The following PLCXD2 variants were observed in gnomAD, a reference collection of about 807,000 sequenced individuals.
PLCXD2 encodes PI-PLC X domain-containing protein 2.
PLCXD2 carries 21 observed loss-of-function variants against 28.6 expected under a neutral mutation model. The ratio of observed to expected loss-of-function variants is 0.73; its 90% confidence interval spans 0.52 to 1.06. The LOEUF is 1.06. Among genes scored for constraint, PLCXD2 ranks in the 50% least tolerant of loss-of-function variants. The probability of loss-of-function intolerance (pLI) is 0.00; values close to 1 mark genes in which losing one functional copy is unlikely to be tolerated. For synonymous variants in PLCXD2, 140 were observed against 150.1 expected (o/e 0.93, Z 0.49); for missense variants, 369 against 376.7 (o/e 0.98, Z 0.17).
chr3:111,703,622 T>G (rs1373387263), intron 1 of PLCXD2, among the ~76,000 whole-genome samples: 1 of 152,250 alleles, frequency 6.6e-6, no homozygotes, highest in Non-Finnish European at 1.5e-5. Flanking sequence ...CCTGAACAGC[T>G]GGGCTGTTAA....
intron 2 of PLCXD2, among the ~76,000 whole-genome samples, chr3:111,713,478 CA>C (rs972112992): frequency 7.2e-5 from 11 of 152,270 alleles, no homozygotes; most frequent in Admixed American, 2.0e-4. Context: ...ATTAGACTTA[CA>C]ACAAAATATT....
At chr3:111,703,676 T>C (rs934379007) in intron 1 of PLCXD2, among the ~76,000 whole-genome samples, 1 of 152,198 alleles carries the variant, frequency 6.6e-6, no homozygotes, top group Non-Finnish European at 1.5e-5. Context: ...ACCATCTATA[T>C]CTAATGTATT....
At chr3:111,694,826 T>G (rs1314288771) in intron 1 of PLCXD2, among the ~76,000 whole-genome samples, 3 of 152,188 alleles carry the variant, frequency 2.0e-5, no homozygotes, top group Non-Finnish European at 4.4e-5. Flanking sequence ...TGTCAAAGTC[T>G]GAGAGTGGAC....
rs145453900 is a variant in PLCXD2, at chr3:111,712,432, CT to C, written c.625-1454del. 6.6e-3 allele frequency among the ~76,000 whole-genome samples: 1,000 copies of C among 152,276 alleles called. 8 individuals are homozygous for C. Among genetic ancestry groups the C allele is most frequent in the African/African-American group, 0.023 (958 of 41,546 alleles). On this transcript the variant is annotated intron_variant, in intron 2 of 4. Coordinates refer to ENST00000477665, the MANE Select transcript of PLCXD2 (RefSeq NM_001185106.1). Reference sequence around the variant, plus strand: ...AGGCTTACCACCTGGCCAATTACACCTCTACAAGGAAATCCTCCCCTTCCCC... The same window carrying C: ...AGGCTTACCACCTGGCCAATTACACCCTACAAGGAAATCCTCCCCTTCCCC...
chr3:111,698,752 G>A (rs1940997729), intron 1 of PLCXD2, among the ~76,000 whole-genome samples: 1 of 152,148 alleles, frequency 6.6e-6, no homozygotes, highest in South Asian at 2.1e-4. Context: ...AGTGTCAGAG[G>A]TTCAGCCCAG....
intron 2 of PLCXD2, among the ~76,000 whole-genome samples, chr3:111,711,399 C>T (rs974150657): frequency 4.6e-5 from 7 of 152,028 alleles, no homozygotes; most frequent in Admixed American, 6.5e-5. Flanking sequence ...AGTGAAACTC[C>T]GTCTCAAAAA....
intron 3 of PLCXD2, 143 bp downstream of exon 3, chr3:111,714,271 A>C: frequency 8.8e-7 from 1 of 1,132,200 alleles, no homozygotes. Flanking sequence ...TATTCGAGAA[A>C]ACCATGCAGT....
chr3:111,712,234 G>A (rs972449509), intron 2 of PLCXD2, among the ~76,000 whole-genome samples: 3 of 152,182 alleles, frequency 2.0e-5, no homozygotes, highest in African/African-American at 7.2e-5. Context: ...TGGATAATTT[G>A]TACTTAATGC....
intron 2 of PLCXD2, among the ~76,000 whole-genome samples, chr3:111,712,854 G>T (rs962350947): frequency 1.3e-5 from 2 of 152,222 alleles, no homozygotes; most frequent in Non-Finnish European, 2.9e-5. Context: ...TCACAGCAGA[G>T]CTCTGAATTG....
At chr3:111,713,816 G>C in intron 2 of PLCXD2, 71 bp from the exon 3 acceptor site, 2 of 1,514,380 alleles carry the variant, frequency 1.3e-6, no homozygotes, top group South Asian at 1.2e-5. Flanking sequence ...CTAGCAGTCC[G>C]TATAAAACGG....
Position 111,675,095 on chromosome 3 carries a change from T to C in PLCXD2, c.-151T>C. 1 of 804,080 alleles carries C rather than the reference T, an allele frequency of 1.2e-6. No individual in the cohort carries two copies. The highest frequency in any genetic ancestry group is 2.0e-6 in the Non-Finnish European group (1 of 502,054). 49.8% of individuals were successfully genotyped at this position (804,080 alleles called of 1,614,324 possible). On this transcript the variant is annotated 5_prime_UTR_variant, in exon 1 of 5. Coordinates refer to ENST00000477665, the MANE Select transcript of PLCXD2 (RefSeq NM_001185106.1). Reference sequence around the variant, plus strand: ...GACTGTGAGTGCTAGTGGGTAAGGATCCATCTGTTTGCCCCGTCCCCCAGC... The same window carrying C: ...GACTGTGAGTGCTAGTGGGTAAGGACCCATCTGTTTGCCCCGTCCCCCAGC...
At chr3:111,697,567 G>A (rs1940980144) in intron 1 of PLCXD2, among the ~76,000 whole-genome samples, 1 of 152,166 alleles carries the variant, frequency 6.6e-6, no homozygotes, top group African/African-American at 2.4e-5. Flanking sequence ...GATTACATTG[G>A]TGTTTGAGTG....
At chr3:111,726,768 TG>T (rs1180152343) in intron 3 of PLCXD2, 2 of 152,176 alleles carry the variant, frequency 1.3e-5, no homozygotes, top group Admixed American at 6.5e-5. Flanking sequence ...CTTACAACAT[TG>T]TAAAGCCAGA....
intron 3 of PLCXD2, chr3:111,725,523 C>T: frequency 2.5e-6 from 1 of 397,602 alleles, no homozygotes; most frequent in Non-Finnish European, 4.4e-6. Flanking sequence ...CAGTTTCCTT[C>T]TAGAAACAAG....
chr3:111,683,283 G>A (rs1011905506), intron 1 of PLCXD2, among the ~76,000 whole-genome samples: 1 of 152,146 alleles, frequency 6.6e-6, no homozygotes, highest in Non-Finnish European at 1.5e-5. Flanking sequence ...TGGTGACCTT[G>A]GGCAAAGCCA....
chr3:111,701,027 A>G (rs560880781), intron 1 of PLCXD2, among the ~76,000 whole-genome samples: 6 of 152,328 alleles, frequency 3.9e-5, no homozygotes, highest in African/African-American at 1.4e-4. Flanking sequence ...TTTCATCTCC[A>G]TGTCAGCTAA....
intron 3 of PLCXD2, among the ~76,000 whole-genome samples, chr3:111,715,285 AT>A: frequency 6.6e-6 from 1 of 152,330 alleles, no homozygotes; most frequent in South Asian, 2.1e-4. Flanking sequence ...TGTTTTAATA[AT>A]ATGTTTGTGT....
chr3:111,707,969 A>C lies in PLCXD2; in HGVS notation c.207A>C (p.Pro69=). Residue 69 remains proline (P), a synonymous_variant, in exon 2 of 5, where the codon CCA becomes CCC. Transcript: ENST00000477665. The stretch of plus-strand genomic sequence containing the variant: ...GCTACTGGGTGGATGAAAAGTCCCC[A>C]GTGGGGCCTGACCAAACCCAAGCTA... The C allele has an allele frequency of 6.2e-7, 1 of 1,614,088 alleles. No individual in the cohort carries two copies. Among genetic ancestry groups the C allele is most frequent in the Non-Finnish European group, 8.5e-7 (1 of 1,180,008 alleles).
chr3:111,691,754 C>T (rs1940881580), intron 1 of PLCXD2, among the ~76,000 whole-genome samples: 1 of 152,186 alleles, frequency 6.6e-6, no homozygotes, highest in African/African-American at 2.4e-5. Context: ...ATGTCCCGGG[C>T]AGCCACATGC....
Sources: gnomAD v4.1 joint callset for allele counts (sites outside exome capture counted in the v4.1 genomes callset) on GRCh38, gnomAD v4.1.1 for gene constraint, MANE v1.5 for transcripts, NCBI Gene and HGNC (gene_info 2026-07-23, HGNC 2026-07-21) for gene names.